DCC: variants seen among roughly 807,000 people sequenced by gnomAD.
The protein encoded by DCC is netrin receptor DCC.
DCC carries 58 observed loss-of-function variants against 172.5 expected under a neutral mutation model. The ratio of observed to expected loss-of-function variants is 0.34; its 90% CI spans 0.27 to 0.42. The LOEUF (loss-of-function observed/expected upper bound fraction) is 0.42. DCC is among the 10% of genes least tolerant of loss of function. The probability of loss-of-function intolerance (pLI) is 1.00; values close to 1 mark genes in which losing one functional copy is unlikely to be tolerated. For missense variants in DCC, 1,740 were observed against 1,791.0 expected, an observed-to-expected ratio of 0.97 and a Z score of 0.51; for synonymous variants, 709 against 644.5, an observed-to-expected ratio of 1.10 and a Z score of -1.52.
intron 2 of DCC, among the ~76,000 whole-genome samples, chr18:52,754,797 C>A (rs1383854827): frequency 6.6e-6 from 1 of 152,196 alleles, no homozygotes; most frequent in Admixed American, 6.5e-5. Context: ...TCCTGGGAAG[C>A]CACCTCAGTG....
At chr18:52,586,394 G>T (rs1197194290) in intron 1 of DCC, among the ~76,000 whole-genome samples, 1 of 152,050 alleles carries the variant, frequency 6.6e-6, no homozygotes, top group Non-Finnish European at 1.5e-5. Flanking sequence ...CTCCCTTGTA[G>T]AGTAGTAGAC....
In DCC at chr18:52,783,323, C is replaced by CTTTTTTTTTTTTTTTTTTTTTTTT. The variant is rs374129823; in HGVS notation, c.412+30964_412+30987dup. Among the ~76,000 whole-genome samples, 3 of 59,260 alleles carry CTTTTTTTTTTTTTTTTTTTTTTTT rather than the reference C, an allele frequency of 5.1e-5. 1 individual carries two copies. The highest frequency in any genetic ancestry group is 2.4e-4 in the Admixed American group (1 of 4,182). 38.9% of individuals were successfully genotyped at this position (59,260 alleles called of 152,430 possible). A position where few individuals can be genotyped will look rare whatever the true frequency, so the allele number is the denominator to read the frequency against. Reference sequence around the variant, plus strand: ...ACTAAAAATAATTTATACTACTACTCTTTTTTTTTTTTTTTTTTTTTTTTT... The same window carrying CTTTTTTTTTTTTTTTTTTTTTTTT: ...ACTAAAAATAATTTATACTACTACTCTTTTTTTTTTTTTTTTTTTTTTTTTTTTTTTTTTTTTTTTTTTTTTTTT... On this transcript the variant is annotated intron_variant, in intron 2 of 28. Transcript: ENST00000442544.
At chr18:53,530,359 T>A (rs779763653) in intron 28 of DCC, 1 of 703,258 alleles carries the variant, frequency 1.4e-6, no homozygotes, top group Non-Finnish European at 2.6e-6. Flanking sequence ...GGAGATGGAG[T>A]GGGTGAAACA....
rs1446353340 is a variant in DCC at position 52,359,986 on chromosome 18, G to C, written c.91+19108G>C. Reference sequence around the variant, plus strand: ...TGCTCCATAACATGTCCTTAATTAAGTCTATGCTATAATTCCTAGATAAAT... The same window carrying C: ...TGCTCCATAACATGTCCTTAATTAACTCTATGCTATAATTCCTAGATAAAT... On this transcript the variant is annotated intron_variant, in intron 1 of 28. Transcript: ENST00000442544. 2.0e-5 allele frequency among the ~76,000 whole-genome samples: 3 copies of C among 152,130 alleles called. No homozygotes were observed. In the East Asian group the frequency reaches 5.8e-4, roughly 29 times the overall value.
intron 1 of DCC, among the ~76,000 whole-genome samples, chr18:52,505,361 G>C (rs1184586660): frequency 6.6e-6 from 1 of 152,188 alleles, no homozygotes; most frequent in East Asian, 1.9e-4. Flanking sequence ...AACTAAGACA[G>C]AGAGAAGGTA....
intron 1 of DCC, among the ~76,000 whole-genome samples, chr18:52,654,774 T>C (rs1271374706): frequency 6.6e-6 from 1 of 152,128 alleles, no homozygotes; most frequent in Non-Finnish European, 1.5e-5. Flanking sequence ...CCCTCTTCCC[T>C]GTAGGGTTAA....
intron 7 of DCC, among the ~76,000 whole-genome samples, chr18:53,071,807 A>T (rs528171753): frequency 1.3e-5 from 2 of 152,274 alleles, no homozygotes; most frequent in East Asian, 3.9e-4. Context: ...CTATTCAGTG[A>T]ATAGTCTAGC....
chr18:52,395,940 C>T (rs1677977681), intron 1 of DCC, among the ~76,000 whole-genome samples: 2 of 152,094 alleles, frequency 1.3e-5, no homozygotes, highest in South Asian at 4.2e-4. Context: ...TAAACCTTTC[C>T]ACAGATTCAC....
chr18:53,333,069 CA>C (rs11323974), intron 14 of DCC, among the ~76,000 whole-genome samples: 17,861 of 120,408 alleles, frequency 0.15, 1,153 homozygotes, highest in African/African-American at 0.25. Context: ...GAACCTGTCT[CA>C]AAAAAAAAAA....
At chr18:53,413,544 T>A (rs984819865) in intron 20 of DCC, among the ~76,000 whole-genome samples, 8 of 152,196 alleles carry the variant, frequency 5.3e-5, no homozygotes, top group African/African-American at 1.9e-4. Flanking sequence ...TCAAGTTCTA[T>A]TCAGTGCAGC....
At chr18:52,802,490 T>C (rs1225860207) in intron 2 of DCC, among the ~76,000 whole-genome samples, 1 of 151,362 alleles carries the variant, frequency 6.6e-6, no homozygotes, top group Non-Finnish European at 1.5e-5. Context: ...ATTTTTTTTT[T>C]TTGAGACAAG....
At chr18:52,795,779 T>C (rs1048331584) in intron 2 of DCC, among the ~76,000 whole-genome samples, 2 of 152,064 alleles carry the variant, frequency 1.3e-5, no homozygotes, top group African/African-American at 2.4e-5. Flanking sequence ...CCATTGGTTT[T>C]GGCATACTGT....
At chr18:53,068,581 T>C (rs2042607241) in intron 7 of DCC, among the ~76,000 whole-genome samples, 1 of 152,004 alleles carries the variant, frequency 6.6e-6, no homozygotes, top group South Asian at 2.1e-4. Flanking sequence ...ACTTCGTGTT[T>C]CTAAAGGAGG....
chr18:53,068,305 C>CTT (rs941216315), intron 7 of DCC, among the ~76,000 whole-genome samples: 2 of 151,946 alleles, frequency 1.3e-5, no homozygotes, highest in African/African-American at 4.8e-5. Context: ...GGTACATGTG[C>CTT]ATAATGTGCC....
At chr18:52,635,454 T>C (rs1457545298) in intron 1 of DCC, among the ~76,000 whole-genome samples, 1 of 152,206 alleles carries the variant, frequency 6.6e-6, no homozygotes, top group East Asian at 1.9e-4. Context: ...ACCTACTGTA[T>C]TACATAGTAT....
At chr18:53,447,010 T>C (rs1226132550) in intron 22 of DCC, among the ~76,000 whole-genome samples, 2 of 152,204 alleles carry the variant, frequency 1.3e-5, no homozygotes, top group African/African-American at 2.4e-5. Flanking sequence ...TATAGTGCTA[T>C]TGGATGTTTC....
chr18:52,469,027 TTTGATTTATTTA>T lies in DCC; in HGVS notation c.91+128152_91+128163del, dbSNP rs1251223539. ...CTTTTACTCATCAGTGGAAAACAAT[TTTGATTTATTTA>T]TTTATTTATTTATTTATTTATTTAT... On this transcript the variant is annotated intron_variant, in intron 1 of 28. Transcript: ENST00000442544. Among the ~76,000 whole-genome samples the T allele has an allele frequency of 1.3e-4, 17 of 127,094 alleles. No individual in the cohort carries two copies. In the East Asian group the frequency reaches 1.8e-3, roughly 14 times the overall value. 83.4% of individuals were successfully genotyped at this position (127,094 alleles called of 152,430 possible). A position where few individuals can be genotyped will look rare whatever the true frequency, so the allele number is the denominator to read the frequency against.
intron 12 of DCC, among the ~76,000 whole-genome samples, chr18:53,269,390 A>G (rs2056720834): frequency 6.6e-6 from 1 of 152,276 alleles, no homozygotes; most frequent in South Asian, 2.1e-4. Context: ...ATTAAAGCCT[A>G]TTAGTCAACC....
At position 52,938,044 on chromosome 18, in the gene DCC, C is replaced by T. The variant is rs117530539; in HGVS notation, c.985+12674C>T. Among the ~76,000 whole-genome samples the T allele has an allele frequency of 9.5e-3, 1,452 of 152,200 alleles. 12 individuals carry two copies. The highest frequency in any genetic ancestry group is 0.016 in the Non-Finnish European group (1,114 of 68,002). On this transcript the variant is annotated intron_variant, in intron 5 of 28. Transcript: ENST00000442544. Reference sequence around the variant, plus strand: ...AGATACACAAATACTTTATAAGTGGCATCATAATCATTGTTTTTTAATACA... The same window carrying T: ...AGATACACAAATACTTTATAAGTGGTATCATAATCATTGTTTTTTAATACA...
Sources: gnomAD v4.1 joint callset for allele counts (sites outside exome capture counted in the v4.1 genomes callset) on GRCh38, gnomAD v4.1.1 for gene constraint, MANE v1.5 for transcripts, NCBI Gene and HGNC (gene_info 2026-07-23, HGNC 2026-07-21) for gene names.